The following AOAH variants were observed in gnomAD, a reference collection of about 807,000 sequenced individuals.
The protein encoded by AOAH is acyloxyacyl hydrolase (neutrophil).
In AOAH, 64 loss-of-function variants were observed where a neutral mutation model predicts 92.2. The ratio of observed to expected loss-of-function variants is 0.69; its 90% CI spans 0.57 to 0.86. The LOEUF is 0.86. Ranked by LOEUF, AOAH falls within the 40% of genes least tolerant of loss-of-function variation. The pLI is 0.00. For missense variants in AOAH, 656 were observed against 694.6 expected, an observed-to-expected ratio of 0.94 and a Z score of 0.62; for synonymous variants, 263 against 254.5, an observed-to-expected ratio of 1.03 and a Z score of -0.32.
intron 2 of AOAH, among the ~76,000 whole-genome samples, chr7:36,683,438 C>T (rs1439388294): frequency 6.6e-6 from 1 of 152,018 alleles, no homozygotes. Context: ...TGGCTATATG[C>T]TCAGATAAGG....
chr7:36,649,312 G>C (rs138067308), intron 4 of AOAH, among the ~76,000 whole-genome samples: 34 of 152,284 alleles, frequency 2.2e-4, no homozygotes, highest in African/African-American at 8.2e-4. Flanking sequence ...AGACTTGAGC[G>C]GGTTACTAGG....
intron 15 of AOAH, among the ~76,000 whole-genome samples, chr7:36,547,067 A>T (rs1785854626): frequency 6.6e-6 from 1 of 152,224 alleles, no homozygotes; most frequent in Non-Finnish European, 1.5e-5. Context: ...ATCCTTGCCA[A>T]ATCAGTTTTC....
intron 6 of AOAH, 75 bp downstream of exon 6, chr7:36,631,961 G>T: frequency 8.9e-7 from 1 of 1,125,364 alleles, no homozygotes; most frequent in Non-Finnish European, 1.3e-6. Context: ...AGATCATTTT[G>T]GTCATTAGAA....
At chr7:36,711,543 T>C (rs1409325822) in intron 1 of AOAH, among the ~76,000 whole-genome samples, 1 of 151,952 alleles carries the variant, frequency 6.6e-6, no homozygotes, top group African/African-American at 2.4e-5. Flanking sequence ...GGCAGACAGG[T>C]GGTGAAAAAT....
At chr7:36,601,721 A>T (rs1790620888) in intron 11 of AOAH, among the ~76,000 whole-genome samples, 1 of 152,240 alleles carries the variant, frequency 6.6e-6, no homozygotes, top group Non-Finnish European at 1.5e-5. Flanking sequence ...TAGAAGGGAC[A>T]TCTGCCCCAC....
At chr7:36,543,947 C>CTTTCTTTT (rs55745823) in intron 15 of AOAH, among the ~76,000 whole-genome samples, 6,942 of 90,464 alleles carry the variant, frequency 0.077, 409 homozygotes, top group African/African-American at 0.085. Context: ...TTCTTTCTTT[C>CTTTCTTTT]TTTTTTTTTT....
intron 3 of AOAH, among the ~76,000 whole-genome samples, chr7:36,672,864 T>C (rs1796012364): frequency 6.6e-6 from 1 of 152,126 alleles, no homozygotes; most frequent in African/African-American, 2.4e-5. Flanking sequence ...TTATGTGTAA[T>C]AAATTATAAA....
chr7:36,553,885 C>T (rs1269236324), intron 13 of AOAH, among the ~76,000 whole-genome samples: 3 of 152,010 alleles, frequency 2.0e-5, no homozygotes, highest in Admixed American at 1.3e-4. Context: ...GGATATTAGC[C>T]CTTTGTCAGA....
At chr7:36,689,225 A>G (rs1038651701) in intron 1 of AOAH, among the ~76,000 whole-genome samples, 1 of 152,164 alleles carries the variant, frequency 6.6e-6, no homozygotes, top group Non-Finnish European at 1.5e-5. Context: ...CTCTAGAGCC[A>G]AACAGCAGCT....
intron 13 of AOAH, among the ~76,000 whole-genome samples, chr7:36,565,268 G>GT (rs11417900): frequency 1 from 152,280 of 152,280 alleles, 76,140 homozygotes; most frequent in Non-Finnish European, 1. Flanking sequence ...TGTCCTCATT[G>GT]TTTGTTATAC....
chr7:36,589,610 G>A (rs1019764986), intron 12 of AOAH, among the ~76,000 whole-genome samples: 9 of 152,194 alleles, frequency 5.9e-5, no homozygotes, highest in Non-Finnish European at 8.8e-5. Flanking sequence ...GGGAGAGAAC[G>A]TCAGAGATCA....
At chr7:36,640,903 G>A (rs904490153) in intron 4 of AOAH, among the ~76,000 whole-genome samples, 12 of 152,190 alleles carry the variant, frequency 7.9e-5, no homozygotes, top group Admixed American at 7.2e-4. Context: ...TCATGGCCTT[G>A]AGTAGGTGGG....
At chr7:36,565,852 T>C (rs1192611652) in intron 13 of AOAH, among the ~76,000 whole-genome samples, 1 of 152,138 alleles carries the variant, frequency 6.6e-6, no homozygotes, top group Non-Finnish European at 1.5e-5. Context: ...AATGTGAACA[T>C]CTTCAATAAT....
chr7:36,632,331 T>G (rs1018891640), intron 5 of AOAH, among the ~76,000 whole-genome samples: 1 of 152,148 alleles, frequency 6.6e-6, no homozygotes, highest in Non-Finnish European at 1.5e-5. Context: ...CCTTCCCTCC[T>G]TCTCTTCCAG....
chr7:36,626,533 A>AT (rs1792676625), intron 6 of AOAH, among the ~76,000 whole-genome samples: 1 of 152,094 alleles, frequency 6.6e-6, no homozygotes, highest in Non-Finnish European at 1.5e-5. Flanking sequence ...ACTAATCAAA[A>AT]TTTTTTTCAA....
At chr7:36,562,225 C>G (rs1290491144) in intron 13 of AOAH, among the ~76,000 whole-genome samples, 1 of 152,168 alleles carries the variant, frequency 6.6e-6, no homozygotes. Context: ...TTTTGTGTCT[C>G]TCTCCTTCCC....
rs982043861 is a variant in AOAH at position 36,513,488 on chromosome 7, A to G, written c.1600-108T>C. 32 of 1,079,658 alleles carry G rather than the reference A, an allele frequency of 3.0e-5. No homozygotes were observed. In the African/African-American group the frequency reaches 4.3e-4, roughly 14 times the overall value. The allele number at this position is 1,079,658 out of a possible 1,614,324, so 66.9% of individuals were successfully genotyped here. ...CAGAGACAGCCTCTAGGATGGCCCC[A>G]TGACTCCCACCCCCATGTCTCTGTA... On this transcript the variant is annotated intron_variant, in intron 20 of 20. Transcript: ENST00000617537.
chr7:36,533,357 C>CT (rs1230994781), intron 16 of AOAH, among the ~76,000 whole-genome samples: 2 of 152,096 alleles, frequency 1.3e-5, no homozygotes, highest in Non-Finnish European at 2.9e-5. Context: ...AGAACACAGT[C>CT]TTATTTTTCA....
intron 6 of AOAH, among the ~76,000 whole-genome samples, chr7:36,629,195 G>A (rs1792887755): frequency 6.6e-6 from 1 of 152,192 alleles, no homozygotes; most frequent in Non-Finnish European, 1.5e-5. Flanking sequence ...TATGACACTT[G>A]AAACACAGTG....
Sources: allele counts gnomAD v4.1 joint callset (sites outside exome capture counted in the v4.1 genomes callset), GRCh38; gene constraint gnomAD v4.1.1; transcripts MANE v1.5; gene names NCBI Gene and HGNC (gene_info 2026-07-23, HGNC 2026-07-21).